SLA2: variants seen among roughly 807,000 people sequenced by gnomAD.
SLA2 encodes Src like adaptor 2.
Under a neutral mutation model 27.3 loss-of-function variants are expected in SLA2, and 22 were observed. That is an observed-to-expected ratio of 0.81 (90% CI 0.58 to 1.15). The LOEUF (loss-of-function observed/expected upper bound fraction) is 1.15, where lower values mean the gene tolerates loss of function less well. SLA2 is among the 50% of genes most tolerant of loss of function. SLA2 has a pLI of 0.00. For missense variants in SLA2, 304 were observed against 322.2 expected (o/e 0.94, Z 0.43); for synonymous variants, 131 against 137.8 (o/e 0.95, Z 0.34).
intron 1 of SLA2, among the ~76,000 whole-genome samples, chr20:36,645,109 A>G (rs1444290001): frequency 6.6e-6 from 1 of 151,906 alleles, no homozygotes; most frequent in East Asian, 1.9e-4. Flanking sequence ...GGAGGCTGAG[A>G]CAGGAGGATT....
chr20:36,638,298 G>A (rs1384397352), intron 2 of SLA2, among the ~76,000 whole-genome samples: 1 of 151,916 alleles, frequency 6.6e-6, no homozygotes, highest in Non-Finnish European at 1.5e-5. Context: ...CTTGAGATGG[G>A]GAATTTAGGC....
Position 36,613,849 on chromosome 20 carries a change from T to G in SLA2, c.*17A>C, listed in dbSNP as rs374117876. 2.4e-5 allele frequency: 38 copies of G among 1,610,446 alleles called. No homozygotes were observed. The African/African-American group carries it at 4.7e-4, about 20-fold the overall frequency. Reference sequence around the variant, plus strand: ...AGGTGTGCAGCCTTGGTTTCCCTTTTGGCCTCTCCTTTGGGCCTAGGCATC... The same window carrying G: ...AGGTGTGCAGCCTTGGTTTCCCTTTGGGCCTCTCCTTTGGGCCTAGGCATC... On this transcript the variant is annotated 3_prime_UTR_variant, in exon 8 of 8. Transcript: ENST00000262866.
intron 4 of SLA2, 133 bp downstream of exon 4, chr20:36,633,410 C>T: frequency 2.7e-6 from 2 of 746,728 alleles, no homozygotes; most frequent in Non-Finnish European, 2.4e-6. Flanking sequence ...GTCTGCCCCT[C>T]TTGAGGGCAG....
Position 36,620,565 on chromosome 20 carries a change from CTTTTTT to C in SLA2, c.383-5197_383-5192del, listed in dbSNP as rs35429682. ...AAATTGTTCAGAAATACCACACTGG[CTTTTTT>C]TTTTTTTTTTTTTTTTGAGACAGAG... On this transcript the variant is annotated intron_variant, in intron 5 of 7. Transcript: ENST00000262866. 588 of 107,588 alleles carry C rather than the reference CTTTTTT, an allele frequency of 5.5e-3. 4 individuals are homozygous for C. Among genetic ancestry groups the C allele is most frequent in the African/African-American group, 0.02 (563 of 28,238 alleles). 6.7% of individuals were successfully genotyped at this position (107,588 alleles called of 1,614,324 possible).
At chr20:36,642,576 A>G (rs2039517392) in intron 1 of SLA2, among the ~76,000 whole-genome samples, 2 of 151,026 alleles carry the variant, frequency 1.3e-5, no homozygotes, top group South Asian at 4.2e-4. Context: ...GCCTCTTTGC[A>G]AATTTTGTTT....
chr20:36,618,933 AAGT>A (rs2039246645), intron 5 of SLA2, among the ~76,000 whole-genome samples: 1 of 147,632 alleles, frequency 6.8e-6, no homozygotes, highest in Non-Finnish European at 1.5e-5. Context: ...AAAAAAAAAA[AAGT>A]ATCTAGAAGC....
intron 5 of SLA2, among the ~76,000 whole-genome samples, chr20:36,618,380 G>A (rs1012243539): frequency 4.6e-5 from 7 of 151,566 alleles, no homozygotes; most frequent in Non-Finnish European, 1.0e-4. Flanking sequence ...GGGACTACAG[G>A]CACGTGCCAC....
intron 2 of SLA2, among the ~76,000 whole-genome samples, chr20:36,639,171 G>C (rs1411129050): frequency 6.6e-6 from 1 of 152,182 alleles, no homozygotes; most frequent in Non-Finnish European, 1.5e-5. Flanking sequence ...TCAGTAGAAC[G>C]AGTAATGCAG....
intron 5 of SLA2, among the ~76,000 whole-genome samples, chr20:36,623,341 G>C (rs1431895907): frequency 6.6e-6 from 1 of 150,928 alleles, no homozygotes; most frequent in Non-Finnish European, 1.5e-5. Flanking sequence ...CTAAGATTGG[G>C]AACAAAGCAA....
At chr20:36,632,374 G>C (rs1280843970) in intron 5 of SLA2, among the ~76,000 whole-genome samples, 2 of 152,176 alleles carry the variant, frequency 1.3e-5, no homozygotes, top group East Asian at 3.9e-4. Flanking sequence ...TCCAAAGTTA[G>C]CTGCCTCTCC....
chr20:36,643,964 C>T (rs1238693190), intron 1 of SLA2, among the ~76,000 whole-genome samples: 2 of 151,776 alleles, frequency 1.3e-5, no homozygotes, highest in Non-Finnish European at 2.9e-5. Flanking sequence ...CCTCCCGCCC[C>T]AAAAAACCTA....
intron 2 of SLA2, among the ~76,000 whole-genome samples, chr20:36,636,603 C>T (rs1466589373): frequency 1.2e-5 from 1 of 86,808 alleles, no homozygotes; most frequent in Non-Finnish European, 2.3e-5. Context: ...TAAACTCCAT[C>T]TCAAAAAGAA....
chr20:36,631,847 T>A (rs1037930025), intron 5 of SLA2, among the ~76,000 whole-genome samples: 17 of 152,214 alleles, frequency 1.1e-4, no homozygotes, highest in African/African-American at 3.1e-4. Context: ...GCTGAATGAA[T>A]GAACATGGAG....
chr20:36,614,219 G>A, intron 7 of SLA2, 86 bp downstream of exon 7: 1 of 1,601,466 alleles, frequency 6.2e-7, no homozygotes, highest in East Asian at 2.2e-5. Context: ...GAGTGTGACA[G>A]GTACATTCCG....
chr20:36,641,837 T>C (rs1169976630), intron 1 of SLA2, among the ~76,000 whole-genome samples: 1 of 151,846 alleles, frequency 6.6e-6, no homozygotes, highest in Non-Finnish European at 1.5e-5. Context: ...CCTCCAGGCA[T>C]ACCAGGAACT....
At chr20:36,628,724 A>T (rs189677451) in intron 5 of SLA2, among the ~76,000 whole-genome samples, 4,676 of 147,044 alleles carry the variant, frequency 0.032, 224 homozygotes, top group African/African-American at 0.11. Flanking sequence ...TTAAAAAAAA[A>T]TTTTTTTTTT....
chr20:36,620,565 CTTTT>C (rs35429682), intron 5 of SLA2: 17 of 107,590 alleles, frequency 1.6e-4, no homozygotes, highest in East Asian at 1.1e-3. Flanking sequence ...ACCACACTGG[CTTTT>C]TTTTTTTTTT....
intron 2 of SLA2, among the ~76,000 whole-genome samples, chr20:36,637,834 G>A (rs1336065984): frequency 6.9e-6 from 1 of 144,984 alleles, no homozygotes; most frequent in East Asian, 2.0e-4. Flanking sequence ...TCTCCATGTT[G>A]TCCAGGTTGA....
At chr20:36,634,658 C>A in intron 2 of SLA2, 69 bp from the exon 3 acceptor site, 4 of 1,048,626 alleles carry the variant, frequency 3.8e-6, no homozygotes, top group Non-Finnish European at 5.5e-6. Context: ...CTAGTGGAGT[C>A]TGGCCTGGGT....
Sources: allele counts gnomAD v4.1 joint callset (sites outside exome capture counted in the v4.1 genomes callset), GRCh38; gene constraint gnomAD v4.1.1; transcripts MANE v1.5; gene names NCBI Gene and HGNC (gene_info 2026-07-23, HGNC 2026-07-21).